The following NDUFA9 variants were observed in gnomAD, a reference collection of about 807,000 sequenced individuals.
NDUFA9 encodes the protein NADH dehydrogenase [ubiquinone] 1 alpha subcomplex subunit 9, mitochondrial.
NDUFA9 carries 23 observed loss-of-function variants against 45.9 expected under a neutral mutation model. The ratio of observed to expected loss-of-function variants is 0.50; its 90% CI spans 0.36 to 0.71. NDUFA9 has a LOEUF of 0.71. Among genes scored for constraint, NDUFA9 ranks in the 30% least tolerant of loss-of-function variants. The probability of loss-of-function intolerance (pLI) is 0.00; values close to 1 mark genes in which losing one functional copy is unlikely to be tolerated. For synonymous variants in NDUFA9, 176 were observed against 170.5 expected (o/e 1.03, Z -0.25); for missense variants, 466 against 488.2 (o/e 0.95, Z 0.43).
rs1175054869 is a variant in NDUFA9 at position 4,689,571 on chromosome 12, AC to A, written c.*2466del. ...TCTTGCACCGCCCTTAATCCATTTA[AC>A]CCTGAGTGGACACAGCACATGTTTC... is the stretch of plus-strand genomic sequence containing the variant. On this transcript the variant is annotated 3_prime_UTR_variant, in exon 11 of 11. Coordinates refer to ENST00000266544, the MANE Select transcript of NDUFA9 (RefSeq NM_005002.5). 1 of 179,598 alleles carries A rather than the reference AC, an allele frequency of 5.6e-6. No homozygotes were observed. Among genetic ancestry groups the A allele is most frequent in the Non-Finnish European group, 1.1e-5 (1 of 89,156 alleles). 11.1% of individuals were successfully genotyped at this position (179,598 alleles called of 1,614,324 possible).
intron 7 of NDUFA9, chr12:4,668,727 C>T: frequency 1.7e-6 from 1 of 578,298 alleles, no homozygotes; most frequent in Non-Finnish European, 3.1e-6. Flanking sequence ...TTATTGAACT[C>T]ATAATGTGCT....
Position 4,657,779 on chromosome 12 carries a change from G to A in NDUFA9, c.350G>A (p.Arg117Gln), listed in dbSNP as rs779531344. The change falls in exon 4 of 11, where the codon CGA becomes CAA. Residue 117 changes from arginine (R) to glutamine (Q), a missense_variant. Coordinates refer to ENST00000266544, the MANE Select transcript of NDUFA9 (RefSeq NM_005002.5). ...GACGCGAGAGATAAAGATTCTATCC[G>A]ACGAGTAGTACAACACAGCAATGTG... Reference protein sequence around the residue: ...EWDARDKDSIRRVVQHSNVVI... With the variant: ...EWDARDKDSIQRVVQHSNVVI... 4 of 1,613,612 alleles carry A rather than the reference G, an allele frequency of 2.5e-6. No homozygotes were observed. Among genetic ancestry groups the A allele is most frequent in the East Asian group, 2.2e-5 (1 of 44,876 alleles).
chr12:4,654,272 AC>A lies in NDUFA9; in HGVS notation c.50-19del. 1 of 1,602,540 alleles carries A rather than the reference AC, an allele frequency of 6.2e-7. No homozygotes were observed. The highest frequency in any genetic ancestry group is 1.1e-5 in the South Asian group (1 of 90,232). On this transcript the variant is annotated intron_variant, in intron 1 of 10. Transcript: ENST00000266544. ...ATATTAATATTTGCCATGCTTGTATACTTTGGGGTTTTGTTTAAGGTTCTGC... is the reference window on the plus strand; with the variant it reads ...ATATTAATATTTGCCATGCTTGTATATTTGGGGTTTTGTTTAAGGTTCTGC...
intron 6 of NDUFA9, among the ~76,000 whole-genome samples, chr12:4,663,459 G>T (rs1163985257): frequency 6.6e-6 from 1 of 152,158 alleles, no homozygotes; most frequent in African/African-American, 2.4e-5. Flanking sequence ...GAGGCCATAA[G>T]GGTGAGGTCG....
Position 4,687,011 on chromosome 12 carries a change from A to G in NDUFA9, c.1037A>G (p.Glu346Gly). Residue 346 changes from glutamate (E) to glycine (G), a missense_variant, in exon 11 of 11, where the codon GAA becomes GGA. Physicochemically the swap from Glu to Gly is moderately conservative, Grantham distance 98. Transcript: ENST00000266544. ...CTTGGTATTCAGGCAACACCACTGG[A>G]ACTCAAGGCCATTGAGGTGCTGCGG... The part of the protein sequence containing the change: ...EDLGIQATPL[E>G]LKAIEVLRRH... 1 of 1,614,188 alleles carries G rather than the reference A, an allele frequency of 6.2e-7. No individual in the cohort carries two copies. Among genetic ancestry groups the G allele is most frequent in the Non-Finnish European group, 8.5e-7 (1 of 1,180,026 alleles).
intron 1 of NDUFA9, among the ~76,000 whole-genome samples, chr12:4,650,389 C>T (rs191719250): frequency 5.3e-5 from 8 of 152,254 alleles, no homozygotes; most frequent in East Asian, 1.9e-4. Flanking sequence ...AATTGTATGA[C>T]GTAATGTAGA....
chr12:4,682,481 G>A (rs550515912), intron 9 of NDUFA9, among the ~76,000 whole-genome samples, 181 bp downstream of exon 9: 72 of 152,196 alleles, frequency 4.7e-4, no homozygotes, highest in Admixed American at 2.4e-3. Context: ...AAAATATATT[G>A]GAACATTAAA....
At chr12:4,665,601 T>A (rs1439667963) in intron 6 of NDUFA9, among the ~76,000 whole-genome samples, 1 of 152,206 alleles carries the variant, frequency 6.6e-6, no homozygotes, top group Non-Finnish European at 1.5e-5. Context: ...AGAAGTGGAA[T>A]TCTGTAGCAT....
intron 6 of NDUFA9, among the ~76,000 whole-genome samples, chr12:4,664,460 C>A (rs933983774): frequency 6.6e-6 from 1 of 152,216 alleles, no homozygotes; most frequent in African/African-American, 2.4e-5. Flanking sequence ...AAGAATGACC[C>A]CAAAAGGGGT....
intron 4 of NDUFA9, 30 bp downstream of exon 4, chr12:4,657,869 C>T (rs1945800513): frequency 6.5e-7 from 1 of 1,547,546 alleles, no homozygotes; most frequent in East Asian, 2.2e-5. Context: ...TTCTTCTTTG[C>T]TTAAGTCTTT....
chr12:4,675,464 A>G (rs10774260), intron 8 of NDUFA9, among the ~76,000 whole-genome samples: 67,405 of 151,904 alleles, frequency 0.44, 15,360 homozygotes, highest in Non-Finnish European at 0.5. Flanking sequence ...GCAATAAAAA[A>G]TGATAAAGGG....
intron 8 of NDUFA9, among the ~76,000 whole-genome samples, chr12:4,675,178 G>A (rs1945911429): frequency 6.6e-6 from 1 of 152,124 alleles, no homozygotes; most frequent in Admixed American, 6.5e-5. Flanking sequence ...TGTGTAGAGG[G>A]AAATTTATAG....
At chr12:4,665,041 G>A (rs1043067505) in intron 6 of NDUFA9, among the ~76,000 whole-genome samples, 9 of 152,152 alleles carry the variant, frequency 5.9e-5, no homozygotes, top group African/African-American at 2.2e-4. Flanking sequence ...CACACCTTGA[G>A]TCTTACCTAT....
intron 9 of NDUFA9, 93 bp downstream of exon 9, chr12:4,682,393 A>G: frequency 1.3e-6 from 1 of 774,758 alleles, no homozygotes; most frequent in Middle Eastern, 2.5e-4. Flanking sequence ...GGGTGTGTGA[A>G]GGGCTGGTCT....
intron 6 of NDUFA9, among the ~76,000 whole-genome samples, chr12:4,666,908 A>G (rs1029460864): frequency 6.6e-6 from 1 of 152,212 alleles, no homozygotes; most frequent in Non-Finnish European, 1.5e-5. Context: ...ATATTTTTGC[A>G]AAAATAAAAA....
At chr12:4,669,718 A>C in intron 7 of NDUFA9, 23 bp from the exon 8 acceptor site, 1 of 1,430,930 alleles carries the variant, frequency 7.0e-7, no homozygotes, top group Non-Finnish European at 9.9e-7. Context: ...AATTACTTAG[A>C]CATATATTAT....
rs146925338 is a variant in NDUFA9 at position 4,693,684 on chromosome 12, A to G, written c.*6576A>G. 4 of 152,370 alleles carry G rather than the reference A, an allele frequency of 2.6e-5. No homozygotes were observed. Among genetic ancestry groups the G allele is most frequent in the African/African-American group, 7.2e-5 (3 of 41,584 alleles). The allele number at this position is 152,370 out of a possible 1,614,324, so 9.4% of individuals were successfully genotyped here. On this transcript the variant is annotated 3_prime_UTR_variant, in exon 11 of 11. Coordinates refer to ENST00000266544, the MANE Select transcript of NDUFA9 (RefSeq NM_005002.5). ...GTTGAGGATGAAGTATCATATTAAT[A>G]AAACATTGCCCATTAACACCTTAGC...
rs1267133226 is a variant in NDUFA9, at chr12:4,691,500, G to A, written c.*4392G>A. 3 of 152,210 alleles carry A rather than the reference G, an allele frequency of 2.0e-5. No homozygotes were observed. The highest frequency in any genetic ancestry group is 4.4e-5 in the Non-Finnish European group (3 of 68,040). 9.4% of individuals were successfully genotyped at this position (152,210 alleles called of 1,614,324 possible). A position where few individuals can be genotyped will look rare whatever the true frequency, so the allele number is the denominator to read the frequency against. On this transcript the variant is annotated 3_prime_UTR_variant, in exon 11 of 11. Coordinates refer to ENST00000266544, the MANE Select transcript of NDUFA9 (RefSeq NM_005002.5). ...CTTGTTCCAGAAAGGATTTAAGGAT[G>A]CTCAGGAGGAAGACATTCCCAGAGT...
At chr12:4,674,829 G>A (rs538115056) in intron 8 of NDUFA9, among the ~76,000 whole-genome samples, 21 of 152,214 alleles carry the variant, frequency 1.4e-4, no homozygotes, top group African/African-American at 4.8e-4. Flanking sequence ...CCTAATAGAC[G>A]TCTACAGAAC....
Sources: allele counts gnomAD v4.1 joint callset (sites outside exome capture counted in the v4.1 genomes callset), GRCh38; gene constraint gnomAD v4.1.1; transcripts MANE v1.5; gene names NCBI Gene and HGNC (gene_info 2026-07-23, HGNC 2026-07-21).